The following MANBA variants were observed in gnomAD, a reference collection of about 807,000 sequenced individuals.
MANBA encodes the protein beta-mannosidase.
MANBA carries 83 observed loss-of-function variants against 111.1 expected under a neutral mutation model. That is an observed-to-expected ratio of 0.75 (90% CI 0.63 to 0.90). MANBA has a LOEUF of 0.90. Among genes scored for constraint, MANBA ranks in the 40% least tolerant of loss-of-function variants. The probability of loss-of-function intolerance (pLI) is 0.00; values close to 1 mark genes in which losing one functional copy is unlikely to be tolerated. For synonymous variants in MANBA, 370 were observed against 378.7 expected, an observed-to-expected ratio of 0.98 and a Z score of 0.27; for missense variants, 1,036 against 1,069.0, an observed-to-expected ratio of 0.97 and a Z score of 0.43.
At chr4:102,704,227 G>A (rs766324037) in intron 5 of MANBA, among the ~76,000 whole-genome samples, 1 of 152,094 alleles carries the variant, frequency 6.6e-6, no homozygotes, top group African/African-American at 2.4e-5. Flanking sequence ...CAATTCCCCT[G>A]TCTTGATAAA....
chr4:102,719,406 T>C (rs1335324032), intron 4 of MANBA, among the ~76,000 whole-genome samples: 1 of 152,224 alleles, frequency 6.6e-6, no homozygotes, highest in African/African-American at 2.4e-5. Context: ...CAGGGTGCAC[T>C]GATCATATTG....
chr4:102,742,977 A>T (rs1036775274), intron 1 of MANBA, among the ~76,000 whole-genome samples: 1 of 152,170 alleles, frequency 6.6e-6, no homozygotes, highest in Admixed American at 6.5e-5. Flanking sequence ...TGCTGAGTCC[A>T]TGTGTAACCC....
At chr4:102,721,919 A>T (rs1431878045) in intron 4 of MANBA, among the ~76,000 whole-genome samples, 2 of 151,064 alleles carry the variant, frequency 1.3e-5, no homozygotes, top group African/African-American at 2.4e-5. Flanking sequence ...AGTCCTAGCT[A>T]CTCAAGAGAC....
intron 4 of MANBA, chr4:102,722,433 G>A (rs955802791): frequency 5.1e-6 from 1 of 194,218 alleles, no homozygotes; most frequent in Non-Finnish European, 1.1e-5. Flanking sequence ...TGTGGACTTT[G>A]TTATCTTTTT....
chr4:102,676,061 G>A (rs1357432462), intron 7 of MANBA, among the ~76,000 whole-genome samples: 1 of 152,108 alleles, frequency 6.6e-6, no homozygotes, highest in Non-Finnish European at 1.5e-5. Context: ...TGACATATCA[G>A]ACAGTCTTTT....
chr4:102,699,225 T>A (rs1240324806), intron 5 of MANBA, among the ~76,000 whole-genome samples: 1 of 151,698 alleles, frequency 6.6e-6, no homozygotes, highest in Non-Finnish European at 1.5e-5. Flanking sequence ...GAGACTTTGC[T>A]GACGTTGCTT....
intron 5 of MANBA, among the ~76,000 whole-genome samples, chr4:102,691,370 A>T (rs1732466034): frequency 6.6e-6 from 1 of 152,168 alleles, no homozygotes; most frequent in African/African-American, 2.4e-5. Context: ...ACTCTCATGA[A>T]CTAAAAGTCT....
chr4:102,631,964 G>T lies in MANBA; in HGVS notation c.*93C>A. On this transcript the variant is annotated 3_prime_UTR_variant, in exon 17 of 17. Coordinates refer to ENST00000647097, the MANE Select transcript of MANBA (RefSeq NM_005908.4). ...TGGCAGCACGCAGACATGTCTCTCG[G>T]CTTCTCTCCTTGTCTCTGTTGCCTT... 9.1e-7 allele frequency: 1 copy of T among 1,099,610 alleles called. No individual in the cohort carries two copies. The highest frequency in any genetic ancestry group is 1.4e-6 in the Non-Finnish European group (1 of 723,278). The allele number at this position is 1,099,610 out of a possible 1,614,324, so 68.1% of individuals were successfully genotyped here.
intron 2 of MANBA, among the ~76,000 whole-genome samples, chr4:102,724,551 A>AG (rs1722721593): frequency 6.6e-6 from 1 of 152,166 alleles, no homozygotes; most frequent in Non-Finnish European, 1.5e-5. Context: ...TCAAAAAAAA[A>AG]AAAAAAAATG....
chr4:102,657,475 C>T (rs2110209662), intron 12 of MANBA, among the ~76,000 whole-genome samples: 1 of 152,270 alleles, frequency 6.6e-6, no homozygotes, highest in South Asian at 2.1e-4. Flanking sequence ...CCATTCAGTG[C>T]TTTCGGTGCT....
chr4:102,727,645 TCACAGTCTTC>T lies in MANBA; in HGVS notation c.178-972_178-963del, dbSNP rs201788290. On this transcript the variant is annotated intron_variant, in intron 1 of 16. Transcript: ENST00000647097. ...CATGTTGTTGTATTCCCATTGTGTT[TCACAGTCTTC>T]TCTAAGTTGAACGCAGTCTCAGCAG... is the stretch of plus-strand genomic sequence containing the variant. The T allele has an allele frequency of 3.8e-3, 5,729 of 1,506,336 alleles. 95 individuals are homozygous for T. In the African/African-American group the frequency reaches 0.044, roughly 11 times the overall value. 93.3% of individuals were successfully genotyped at this position (1,506,336 alleles called of 1,614,324 possible).
chr4:102,668,885 A>C, intron 10 of MANBA, 78 bp downstream of exon 10: 2 of 1,257,204 alleles, frequency 1.6e-6, no homozygotes, highest in African/African-American at 1.5e-5. Flanking sequence ...CAAAAACCAA[A>C]ATGAAGCAAG....
At chr4:102,726,516 CA>C (rs1722809072) in intron 2 of MANBA, 72 bp downstream of exon 2, 1 of 814,800 alleles carries the variant, frequency 1.2e-6, no homozygotes, top group Admixed American at 2.3e-5. Flanking sequence ...AAACAAAACA[CA>C]ACATTTTTGC....
At position 102,722,943 on chromosome 4, in the gene MANBA, A is replaced by T; in HGVS notation, c.477T>A (p.Thr159=). Residue 159 remains threonine (T), a synonymous_variant, in exon 4 of 17, where the codon ACT becomes ACA. Transcript: ENST00000647097. ...GGCAGTCTGGGGGAACCTGGTAGCG[A>T]GTGTGAGCTTTGCTCTGCTGTGCTG... ...LYAAQQSKAH[T]RYQVPPDCPP... 1 of 1,614,100 alleles carries T rather than the reference A, an allele frequency of 6.2e-7. No homozygotes were observed. The highest frequency in any genetic ancestry group is 2.2e-5 in the East Asian group (1 of 44,884).
At chr4:102,735,049 T>A (rs970924011) in intron 1 of MANBA, among the ~76,000 whole-genome samples, 1 of 152,204 alleles carries the variant, frequency 6.6e-6, no homozygotes, top group African/African-American at 2.4e-5. Flanking sequence ...TCAGTCACCT[T>A]TTTTGCTGCT....
At chr4:102,694,817 A>T (rs1237473016) in intron 5 of MANBA, among the ~76,000 whole-genome samples, 1 of 151,966 alleles carries the variant, frequency 6.6e-6, no homozygotes, top group African/African-American at 2.4e-5. Context: ...CCCTCTCCAC[A>T]ATTCAAGGCC....
intron 1 of MANBA, chr4:102,734,297 G>A: frequency 6.7e-7 from 1 of 1,503,258 alleles, no homozygotes; most frequent in South Asian, 1.2e-5. Context: ...GCAGCAGCGT[G>A]AGAGTTGGCT....
At chr4:102,685,499 T>A (rs146489570) in intron 7 of MANBA, among the ~76,000 whole-genome samples, 2,960 of 152,018 alleles carry the variant, frequency 0.019, 47 homozygotes, top group African/African-American at 0.046. Context: ...TGTGTTATCT[T>A]TCACCACTAT....
chr4:102,707,320 C>T (rs539924513), intron 5 of MANBA, among the ~76,000 whole-genome samples: 1 of 152,128 alleles, frequency 6.6e-6, no homozygotes, highest in Non-Finnish European at 1.5e-5. Flanking sequence ...GCCAAGGATG[C>T]CATACCCAGC....
Sources: gnomAD v4.1 joint callset for allele counts (sites outside exome capture counted in the v4.1 genomes callset) on GRCh38, gnomAD v4.1.1 for gene constraint, MANE v1.5 for transcripts, NCBI Gene and HGNC (gene_info 2026-07-23, HGNC 2026-07-21) for gene names.